Variants in CLIC5 observed in about 807,000 individuals in gnomAD.
CLIC5 encodes the protein CLIC family member 5, also known as chloride intracellular channel protein 5.
A neutral mutation model predicts 24.7 loss-of-function variants in CLIC5; 20 were observed. The observed-to-expected ratio is 0.81, with a 90% CI of 0.57 to 1.18. CLIC5 has a LOEUF of 1.18. CLIC5 is among the 50% of genes most tolerant of loss of function. The pLI is 0.00. For missense variants in CLIC5, 341 were observed against 326.1 expected (o/e 1.05, Z -0.35); for synonymous variants, 159 against 135.6 (o/e 1.17, Z -1.20).
At position 46,015,760 on chromosome 6, in the gene CLIC5, G is replaced by T. The variant is rs1018501244; in HGVS notation, c.-218C>A. 2.4e-6 allele frequency: 3 copies of T among 1,232,546 alleles called. No individual in the cohort carries two copies. The allele number at this position is 1,232,546 out of a possible 1,614,324, so 76.4% of individuals were successfully genotyped here. ...AAAAGGAGCGAAGCCGGGAGGAGGC[G>T]GGGGGCCACGGGGAAAGCCGGGTTA... is the stretch of plus-strand genomic sequence containing the variant. On this transcript the variant is annotated 5_prime_UTR_variant, in exon 1 of 6. Coordinates refer to ENST00000339561, the MANE Select transcript of CLIC5 (RefSeq NM_016929.5).
chr6:46,036,024 C>T (rs1336119726), intron 1 of CLIC5, among the ~76,000 whole-genome samples: 24 of 152,014 alleles, frequency 1.6e-4, no homozygotes. Flanking sequence ...GGATTACAGG[C>T]GTGAGCAAGC....
At chr6:45,915,734 C>A (rs886269534) in intron 4 of CLIC5, among the ~76,000 whole-genome samples, 1 of 152,120 alleles carries the variant, frequency 6.6e-6, no homozygotes, top group South Asian at 2.1e-4. Context: ...AGACAAAATA[C>A]CCAAAAGAAC....
intron 4 of CLIC5, among the ~76,000 whole-genome samples, chr6:45,939,192 A>G (rs1235585542): frequency 6.9e-6 from 1 of 144,388 alleles, no homozygotes; most frequent in African/African-American, 2.6e-5. Flanking sequence ...TCTCTCCTCT[A>G]CATGTCTGTG....
chr6:46,068,591 C>A, intron 1 of CLIC5, among the ~76,000 whole-genome samples: 1 of 151,860 alleles, frequency 6.6e-6, no homozygotes, highest in East Asian at 1.9e-4. Context: ...GTATACATAC[C>A]CCCCAAGTTT....
At chr6:45,921,213 C>A (rs907255196) in intron 4 of CLIC5, among the ~76,000 whole-genome samples, 5 of 152,140 alleles carry the variant, frequency 3.3e-5, no homozygotes, top group Non-Finnish European at 7.3e-5. Context: ...AATGTCTACA[C>A]CAGATTCTTA....
the CLIC5 span, among the ~76,000 whole-genome samples, chr6:46,092,798 T>C: frequency 1.3e-5 from 2 of 152,218 alleles, no homozygotes; most frequent in Non-Finnish European, 2.9e-5. Flanking sequence ...TCATTGTTAA[T>C]AATCATAGCA....
intron 1 of CLIC5, among the ~76,000 whole-genome samples, chr6:45,955,455 T>A (rs1764612290): frequency 6.6e-6 from 1 of 152,216 alleles, no homozygotes; most frequent in South Asian, 2.1e-4. Flanking sequence ...AAATACTTGC[T>A]GAATTGAACT....
At chr6:46,047,516 G>C (rs1054950827) in intron 1 of CLIC5, among the ~76,000 whole-genome samples, 2 of 152,224 alleles carry the variant, frequency 1.3e-5, no homozygotes, top group African/African-American at 4.8e-5. Flanking sequence ...ATTGTAAACA[G>C]AGGATCTAGT....
the CLIC5 span, among the ~76,000 whole-genome samples, chr6:46,105,338 T>C: frequency 6.6e-6 from 1 of 152,194 alleles, no homozygotes; most frequent in Admixed American, 6.5e-5. Flanking sequence ...AAGATCTCCA[T>C]GGTCAGAAGT....
intron 1 of CLIC5, among the ~76,000 whole-genome samples, chr6:46,079,050 G>C (rs1762849984): frequency 6.6e-6 from 1 of 152,160 alleles, no homozygotes; most frequent in Non-Finnish European, 1.5e-5. Flanking sequence ...AAGATGATTT[G>C]TTTAGGTCTG....
chr6:45,887,389 G>A (rs1419238818), intron 6 of CLIC5, among the ~76,000 whole-genome samples: 2 of 152,064 alleles, frequency 1.3e-5, no homozygotes, highest in Non-Finnish European at 2.9e-5. Flanking sequence ...TTCTACCTCT[G>A]TCTTCACACG....
chr6:46,075,244 G>A (rs1230587386), intron 1 of CLIC5, among the ~76,000 whole-genome samples: 1 of 152,106 alleles, frequency 6.6e-6, no homozygotes, highest in East Asian at 1.9e-4. Flanking sequence ...TGCTAAAGTA[G>A]GTTTCAAATC....
At chr6:45,903,277 A>G in intron 5 of CLIC5, 22 bp from the exon 6 acceptor site, 1 of 1,561,150 alleles carries the variant, frequency 6.4e-7, no homozygotes, top group Non-Finnish European at 8.7e-7. Context: ...ATGGCAGGAC[A>G]GAGGTGGTGT....
chr6:46,027,801 C>T (rs1328398955), intron 1 of CLIC5, among the ~76,000 whole-genome samples: 1 of 152,168 alleles, frequency 6.6e-6, no homozygotes, highest in African/African-American at 2.4e-5. Context: ...GCAGCAACTA[C>T]AGAAGGCCAG....
intron 4 of CLIC5, among the ~76,000 whole-genome samples, chr6:45,934,783 A>G (rs1487216430): frequency 1.3e-5 from 2 of 152,264 alleles, no homozygotes; most frequent in Admixed American, 6.5e-5. Context: ...ACTGGCACCA[A>G]AAACAAGGAT....
At chr6:46,041,536 A>G (rs1487846676) in intron 1 of CLIC5, among the ~76,000 whole-genome samples, 2 of 152,100 alleles carry the variant, frequency 1.3e-5, no homozygotes, top group African/African-American at 2.4e-5. Context: ...CTTTATCCTC[A>G]CAATGCTTAG....
the CLIC5 span, among the ~76,000 whole-genome samples, chr6:46,105,962 G>C: frequency 6.6e-6 from 1 of 152,218 alleles, no homozygotes; most frequent in South Asian, 2.1e-4. Context: ...TCACCACAGA[G>C]GGATGAGACT....
the CLIC5 span, among the ~76,000 whole-genome samples, chr6:46,101,042 G>A: frequency 6.6e-6 from 1 of 152,126 alleles, no homozygotes; most frequent in Non-Finnish European, 1.5e-5. Flanking sequence ...AAACTTCAGG[G>A]GATTGAAATA....
chr6:46,003,611 C>T (rs1163829468), intron 1 of CLIC5, among the ~76,000 whole-genome samples: 1 of 152,176 alleles, frequency 6.6e-6, no homozygotes, highest in Non-Finnish European at 1.5e-5. Flanking sequence ...ATTTGAATGT[C>T]ACAGGGCTTT....
Sources: allele counts gnomAD v4.1 joint callset (sites outside exome capture counted in the v4.1 genomes callset), GRCh38; gene constraint gnomAD v4.1.1; transcripts MANE v1.5; gene names NCBI Gene and HGNC (gene_info 2026-07-23, HGNC 2026-07-21).